UTRN: variants seen among roughly 807,000 people sequenced by gnomAD.
The protein encoded by UTRN is dystrophin-related protein 1.
A neutral mutation model predicts 463.9 loss-of-function variants in UTRN; 283 were observed. The ratio of observed to expected loss-of-function variants is 0.61; its 90% CI spans 0.55 to 0.67. UTRN has a LOEUF of 0.67. UTRN is among the 30% of genes least tolerant of loss of function. The pLI is 0.00. For missense variants in UTRN, 3,922 were observed against 4,084.3 expected, an observed-to-expected ratio of 0.96 and a Z score of 1.08; for synonymous variants, 1,442 against 1,431.5, an observed-to-expected ratio of 1.01 and a Z score of -0.17.
intron 51 of UTRN, among the ~76,000 whole-genome samples, chr6:144,638,131 G>A (rs1307866312): frequency 6.6e-6 from 1 of 152,144 alleles, no homozygotes; most frequent in African/African-American, 2.4e-5. Context: ...AATGGTTAAT[G>A]TAGTTTATAA....
At chr6:144,533,986 TA>T (rs1405074732) in intron 43 of UTRN, among the ~76,000 whole-genome samples, 1 of 152,140 alleles carries the variant, frequency 6.6e-6, no homozygotes, top group East Asian at 1.9e-4. Flanking sequence ...AGTTTAGGGT[TA>T]AAAACTCCAC....
intron 50 of UTRN, among the ~76,000 whole-genome samples, chr6:144,560,189 C>G (rs954067232): frequency 2.0e-5 from 3 of 152,144 alleles, no homozygotes; most frequent in Non-Finnish European, 2.9e-5. Context: ...CAAGACTACA[C>G]AGCTTATAAT....
Position 144,836,514 on chromosome 6 carries a change from C to T in UTRN, c.10038C>T (p.Leu3346=). Reference sequence around the variant, plus strand: ...ACAATAAACAGCTGGAGTCTCAGCTCCACCGCCTCCGACAGCTGCTGGAGC... The same window carrying T: ...ACAATAAACAGCTGGAGTCTCAGCTTCACCGCCTCCGACAGCTGCTGGAGC... ...EDHNKQLESQ[L]HRLRQLLEQP... is the part of the protein sequence containing the mutation. The change falls in exon 71 of 75, where the codon CTC becomes CTT. Residue 3346 remains leucine, a synonymous_variant. Coordinates refer to ENST00000367545, the MANE Select transcript of UTRN (RefSeq NM_007124.3). 1 of 1,613,804 alleles carries T rather than the reference C, an allele frequency of 6.2e-7. No individual in the cohort carries two copies. Among genetic ancestry groups the T allele is most frequent in the South Asian group, 1.1e-5 (1 of 91,068 alleles).
At chr6:144,381,162 T>G (rs1780878805) in intron 2 of UTRN, among the ~76,000 whole-genome samples, 1 of 152,140 alleles carries the variant, frequency 6.6e-6, no homozygotes, top group Non-Finnish European at 1.5e-5. Context: ...TCGTGATCGT[T>G]TCCCTCCCCC....
intron 7 of UTRN, among the ~76,000 whole-genome samples, chr6:144,426,906 A>G (rs1253854886): frequency 1.3e-5 from 2 of 152,218 alleles, no homozygotes; most frequent in Non-Finnish European, 2.9e-5. Flanking sequence ...AGGCCCAAGA[A>G]TAGCCAGTAG....
intron 51 of UTRN, among the ~76,000 whole-genome samples, chr6:144,617,041 A>G (rs549127094): frequency 6.6e-6 from 1 of 152,314 alleles, no homozygotes; most frequent in Admixed American, 6.5e-5. Flanking sequence ...TTTCAAGCAG[A>G]ACTTGTGCCA....
At chr6:144,652,352 G>A (rs774619904) in intron 51 of UTRN, among the ~76,000 whole-genome samples, 2 of 152,144 alleles carry the variant, frequency 1.3e-5, no homozygotes, top group Non-Finnish European at 2.9e-5. Flanking sequence ...AGAAAATCAC[G>A]GGAAAGACCT....
intron 34 of UTRN, 146 bp downstream of exon 34, chr6:144,499,573 A>C (rs1474894734): frequency 8.0e-6 from 4 of 499,280 alleles, no homozygotes; most frequent in Admixed American, 8.5e-5. Context: ...TCTCTGTCCT[A>C]AGAAAAAATA....
chr6:144,470,657 T>G (rs957094305), intron 23 of UTRN, among the ~76,000 whole-genome samples: 6 of 151,962 alleles, frequency 3.9e-5, no homozygotes, highest in Non-Finnish European at 5.9e-5. Flanking sequence ...TCTCGGCACT[T>G]TGGGAGGCCA....
intron 65 of UTRN, among the ~76,000 whole-genome samples, chr6:144,806,618 T>C (rs1778175362): frequency 9.8e-6 from 1 of 102,448 alleles, no homozygotes; most frequent in Admixed American, 9.1e-5. Context: ...AAGATGCATC[T>C]CTTTACAACT....
At chr6:144,744,678 GAAAA>G (rs553061337) in intron 54 of UTRN, among the ~76,000 whole-genome samples, 1 of 149,796 alleles carries the variant, frequency 6.7e-6, no homozygotes. Flanking sequence ...AGTGACATAG[GAAAA>G]AAAAGTCTTC....
chr6:144,491,084 G>A lies in UTRN; in HGVS notation c.4419G>A (p.Thr1473=), dbSNP rs371620249. 75 of 1,607,842 alleles carry A rather than the reference G, an allele frequency of 4.7e-5. No homozygotes were observed. Among genetic ancestry groups the A allele is most frequent in the African/African-American group, 1.7e-4 (13 of 74,660 alleles). ...VKDVDPDVIQ[T]HLDKCMKLYK... ...ACGTAGACCCTGACGTCATACAGAC[G>A]CACCTGGACAAGTGTATGGTGAGGC... is the stretch of plus-strand genomic sequence containing the variant. Residue 1473 remains threonine (T), a synonymous_variant, in exon 32 of 75, where the codon ACG becomes ACA. Transcript: ENST00000367545.
intron 69 of UTRN, among the ~76,000 whole-genome samples, chr6:144,831,166 G>GC (rs202017090): frequency 0.013 from 2,026 of 152,216 alleles, 22 homozygotes; most frequent in Non-Finnish European, 0.021. Flanking sequence ...CAGAATGATG[G>GC]CCCCCCAAAG....
chr6:144,334,400 G>A (rs536653481), intron 2 of UTRN, among the ~76,000 whole-genome samples: 20 of 152,024 alleles, frequency 1.3e-4, no homozygotes, highest in South Asian at 4.2e-4. Flanking sequence ...TTCCGTCAAG[G>A]CTATGATTTT....
At position 144,516,952 on chromosome 6, in the gene UTRN, T is replaced by C. The variant is rs745311525; in HGVS notation, c.5541+4T>C. The C allele has an allele frequency of 9.5e-6, 14 of 1,470,818 alleles. No individual in the cohort carries two copies. The South Asian group carries it at 2.1e-4, about 22-fold the overall frequency. 91.1% of individuals were successfully genotyped at this position (1,470,818 alleles called of 1,614,324 possible). A position where few individuals can be genotyped will look rare whatever the true frequency, so the allele number is the denominator to read the frequency against. ...TACTAGATACAACAAAATTAAGGTA[T>C]TATGATTGGAGAGTCTCTGTTGCAT... On this transcript the variant is annotated splice_donor_region_variant and intron_variant, in intron 39 of 74. Coordinates refer to ENST00000367545, the MANE Select transcript of UTRN (RefSeq NM_007124.3).
chr6:144,791,166 T>C (rs1776725921), intron 62 of UTRN, among the ~76,000 whole-genome samples: 1 of 152,234 alleles, frequency 6.6e-6, no homozygotes, highest in African/African-American at 2.4e-5. Flanking sequence ...TGTGATATCA[T>C]TATTGTTTCC....
At chr6:144,514,847 C>T (rs1795475906) in intron 37 of UTRN, 27 bp downstream of exon 37, 1 of 1,601,250 alleles carries the variant, frequency 6.2e-7, no homozygotes, top group Non-Finnish European at 8.5e-7. Context: ...TTAGAGTAAA[C>T]CATTTTTCCT....
At chr6:144,790,597 G>A (rs892413646) in intron 62 of UTRN, among the ~76,000 whole-genome samples, 2 of 152,188 alleles carry the variant, frequency 1.3e-5, no homozygotes, top group African/African-American at 4.8e-5. Flanking sequence ...ATGACGGAGT[G>A]AGAGCCTAGT....
At chr6:144,390,381 G>T (rs1261841724) in intron 2 of UTRN, among the ~76,000 whole-genome samples, 1 of 151,904 alleles carries the variant, frequency 6.6e-6, no homozygotes, top group African/African-American at 2.4e-5. Context: ...ACTTTCTTCC[G>T]GCCTCCCTCC....
Sources: allele counts gnomAD v4.1 joint callset (sites outside exome capture counted in the v4.1 genomes callset), GRCh38; gene constraint gnomAD v4.1.1; transcripts MANE v1.5; gene names NCBI Gene and HGNC (gene_info 2026-07-23, HGNC 2026-07-21).